JAZF1: variants seen among roughly 807,000 people sequenced by gnomAD.
The protein encoded by JAZF1 is juxtaposed with another zinc finger protein 1.
JAZF1 carries 8 observed loss-of-function variants against 26.4 expected under a neutral mutation model. That is an observed-to-expected ratio of 0.30 (90% CI 0.18 to 0.55). JAZF1 has a LOEUF of 0.55. Ranked by LOEUF, JAZF1 falls within the 20% of genes least tolerant of loss-of-function variation. JAZF1 has a pLI of 0.94. For missense variants in JAZF1, 199 were observed against 322.0 expected (o/e 0.62, Z 2.92); for synonymous variants, 126 against 122.3 (o/e 1.03, Z -0.20).
intron 2 of JAZF1, among the ~76,000 whole-genome samples, chr7:27,928,809 G>C (rs1249542267): frequency 6.6e-6 from 1 of 152,176 alleles, no homozygotes; most frequent in East Asian, 1.9e-4. Flanking sequence ...TGGAAGGAGG[G>C]AGAGGATCAG....
intron 2 of JAZF1, among the ~76,000 whole-genome samples, chr7:27,959,304 C>T (rs1320067178): frequency 6.6e-6 from 1 of 152,186 alleles, no homozygotes; most frequent in Non-Finnish European, 1.5e-5. Context: ...ATGTCATTCT[C>T]CCTCTCTAGC....
chr7:28,105,051 T>C (rs917827814), intron 1 of JAZF1, among the ~76,000 whole-genome samples: 2 of 152,136 alleles, frequency 1.3e-5, no homozygotes, highest in African/African-American at 4.8e-5. Context: ...ACCAAGAGTA[T>C]TTAAAATATG....
chr7:28,027,741 C>T lies in JAZF1; in HGVS notation c.116-35760G>A, dbSNP rs192640027. Among the ~76,000 whole-genome samples, 14 of 152,328 alleles carry T rather than the reference C, an allele frequency of 9.2e-5. 1 individual carries two copies. Among genetic ancestry groups the T allele is most frequent in the Non-Finnish European group, 1.8e-4 (12 of 68,032 alleles). On this transcript the variant is annotated intron_variant, in intron 1 of 4. Transcript: ENST00000283928. ...CTTATATTATCTCAGTTAATCCTCA[C>T]AATTACCCTGCAAAACAGACACTAC...
chr7:28,082,386 G>A (rs980756232), intron 1 of JAZF1, among the ~76,000 whole-genome samples: 13 of 152,096 alleles, frequency 8.5e-5, no homozygotes, highest in African/African-American at 2.2e-4. Context: ...GCCTCTGCCC[G>A]TTCACTCTAC....
intron 2 of JAZF1, among the ~76,000 whole-genome samples, chr7:27,942,534 T>A (rs978104205): frequency 6.6e-6 from 1 of 152,194 alleles, no homozygotes; most frequent in African/African-American, 2.4e-5. Context: ...AGCATCCCTA[T>A]GAGGTGGCTA....
At chr7:28,175,717 G>T (rs1245835288) in intron 1 of JAZF1, among the ~76,000 whole-genome samples, 2 of 152,198 alleles carry the variant, frequency 1.3e-5, no homozygotes, top group Non-Finnish European at 1.5e-5. Flanking sequence ...GTGAGGAGGG[G>T]ACTGTCACGT....
intron 3 of JAZF1, among the ~76,000 whole-genome samples, chr7:27,848,707 T>A (rs936218646): frequency 1.3e-5 from 2 of 152,232 alleles, no homozygotes; most frequent in Admixed American, 6.5e-5. Flanking sequence ...AATGGGCAGA[T>A]TGTAGGAATG....
chr7:27,885,623 G>C (rs1562518642), intron 3 of JAZF1, among the ~76,000 whole-genome samples: 1 of 152,100 alleles, frequency 6.6e-6, no homozygotes, highest in African/African-American at 2.4e-5. Context: ...GCAATTTCTT[G>C]ATAGTGTCCT....
At chr7:27,873,116 G>A (rs116245295) in intron 3 of JAZF1, among the ~76,000 whole-genome samples, 338 of 152,268 alleles carry the variant, frequency 2.2e-3, no homozygotes, top group African/African-American at 7.7e-3. Context: ...GCACTGAAAA[G>A]CTTCCACATC....
chr7:28,076,823 G>A (rs1784058938), intron 1 of JAZF1, among the ~76,000 whole-genome samples: 1 of 151,628 alleles, frequency 6.6e-6, no homozygotes, highest in African/African-American at 2.4e-5. Flanking sequence ...TTTAATAAAT[G>A]TATAATAGGG....
At chr7:27,945,646 A>G (rs1471352514) in intron 2 of JAZF1, among the ~76,000 whole-genome samples, 1 of 152,242 alleles carries the variant, frequency 6.6e-6, no homozygotes, top group Admixed American at 6.5e-5. Flanking sequence ...AACCAGCTGC[A>G]TCGGCATTGC....
At chr7:27,915,239 T>A (rs546857794) in intron 2 of JAZF1, among the ~76,000 whole-genome samples, 1 of 152,310 alleles carries the variant, frequency 6.6e-6, no homozygotes, top group Non-Finnish European at 1.5e-5. Context: ...AAGGCAGGAA[T>A]TCTTTATAAT....
At chr7:27,893,686 A>G (rs1784012763) in intron 3 of JAZF1, among the ~76,000 whole-genome samples, 1 of 152,176 alleles carries the variant, frequency 6.6e-6, no homozygotes, top group Non-Finnish European at 1.5e-5. Flanking sequence ...ACAGGGTTAT[A>G]TTTATTTGCG....
intron 1 of JAZF1, among the ~76,000 whole-genome samples, chr7:28,068,391 A>G (rs983831467): frequency 1.3e-5 from 2 of 152,160 alleles, no homozygotes; most frequent in Admixed American, 1.3e-4. Flanking sequence ...CATGCATAAT[A>G]AATTGCTTCC....
chr7:27,835,739 T>C (rs1283514355), intron 4 of JAZF1, among the ~76,000 whole-genome samples: 1 of 152,160 alleles, frequency 6.6e-6, no homozygotes. Flanking sequence ...ACGTCCTCTT[T>C]ACAAGACCAG....
intron 1 of JAZF1, among the ~76,000 whole-genome samples, chr7:28,067,887 G>A (rs867051610): frequency 2.6e-5 from 4 of 151,892 alleles, no homozygotes; most frequent in African/African-American, 7.3e-5. Context: ...GTCCTTTCCC[G>A]TCTCCTTCTG....
chr7:28,032,958 C>T (rs951761788), intron 1 of JAZF1, among the ~76,000 whole-genome samples: 2 of 152,170 alleles, frequency 1.3e-5, no homozygotes, highest in African/African-American at 2.4e-5. Flanking sequence ...CGAAAGCAAC[C>T]CAACACAAAC....
intron 3 of JAZF1, among the ~76,000 whole-genome samples, chr7:27,888,679 G>T (rs1783913327): frequency 6.6e-6 from 1 of 152,084 alleles, no homozygotes; most frequent in Admixed American, 6.6e-5. Context: ...AAGCCATAAA[G>T]AAATGTTTCT....
At chr7:28,140,083 C>CTT (rs67016749) in intron 1 of JAZF1, among the ~76,000 whole-genome samples, 1 of 125,128 alleles carries the variant, frequency 8.0e-6, no homozygotes, top group African/African-American at 3.1e-5. Flanking sequence ...AGTCACAAAT[C>CTT]TTTTTTTTTT....
Sources: allele counts gnomAD v4.1 joint callset (sites outside exome capture counted in the v4.1 genomes callset), GRCh38; gene constraint gnomAD v4.1.1; transcripts MANE v1.5; gene names NCBI Gene and HGNC (gene_info 2026-07-23, HGNC 2026-07-21).